Variants in MYH2 observed in about 807,000 individuals in gnomAD.
MYH2 encodes myosin heavy chain 2.
Under a neutral mutation model 228.1 loss-of-function variants are expected in MYH2, and 139 were observed. That is an observed-to-expected ratio of 0.61 (90% CI 0.53 to 0.70). The LOEUF is 0.70. MYH2 is among the 30% of genes least tolerant of loss of function. The probability of loss-of-function intolerance (pLI) is 0.00; values close to 1 mark genes in which losing one functional copy is unlikely to be tolerated. For synonymous variants in MYH2, 796 were observed against 871.1 expected, an observed-to-expected ratio of 0.91 and a Z score of 1.52; for missense variants, 1,809 against 2,357.5, an observed-to-expected ratio of 0.77 and a Z score of 4.82.
chr17:10,533,281 A>T lies in MYH2; in HGVS notation c.2441+4T>A, dbSNP rs1423066186. 1.2e-6 allele frequency: 2 copies of T among 1,613,982 alleles called. No individual in the cohort carries two copies. Among genetic ancestry groups the T allele is most frequent in the East Asian group, 2.2e-5 (1 of 44,888 alleles). ...GAATATGTGAATAAACATATTTTTTATACCTTCTCTCCACCATCCTCTGGT... is the reference window on the plus strand; with the variant it reads ...GAATATGTGAATAAACATATTTTTTTTACCTTCTCTCCACCATCCTCTGGT... On this transcript the variant is annotated splice_donor_region_variant and intron_variant, in intron 21 of 39. Transcript: ENST00000245503.
rs762900866 is a variant in MYH2 at position 10,547,953 on chromosome 17, A to C, written c.-20-13T>G. 4.4e-6 allele frequency: 7 copies of C among 1,603,896 alleles called. No individual in the cohort carries two copies. Among genetic ancestry groups the C allele is most frequent in the Non-Finnish European group, 6.0e-6 (7 of 1,171,266 alleles). ...GAACTCAGAGGTCCTAAAGGAGATAAAACTTTCACATTAGAGAGTCTGGAT... is the reference window on the plus strand; with the variant it reads ...GAACTCAGAGGTCCTAAAGGAGATACAACTTTCACATTAGAGAGTCTGGAT... On this transcript the variant is annotated splice_polypyrimidine_tract_variant and intron_variant, in intron 2 of 39. Coordinates refer to ENST00000245503, the MANE Select transcript of MYH2 (RefSeq NM_017534.6).
chr17:10,523,156 C>T lies in MYH2; in HGVS notation c.5607G>A (p.Arg1869=). 2 of 1,613,936 alleles carry T rather than the reference C, an allele frequency of 1.2e-6. No homozygotes were observed. The highest frequency in any genetic ancestry group is 1.7e-6 in the Non-Finnish European group (2 of 1,179,836). ...GAAGTTTATCTACCAAATCTTGAAGCCTGAGAATATTCTTTCTATCTTCTT... is the reference window on the plus strand; with the variant it reads ...GAAGTTTATCTACCAAATCTTGAAGTCTGAGAATATTCTTTCTATCTTCTT... ...QTEEDRKNIL[R]LQDLVDKLQA... Residue 1869 remains arginine (R), a synonymous_variant, in exon 39 of 40, where the codon AGG becomes AGA. Coordinates refer to ENST00000245503, the MANE Select transcript of MYH2 (RefSeq NM_017534.6).
intron 5 of MYH2, 104 bp from the exon 6 acceptor site, chr17:10,544,231 C>T: frequency 7.0e-7 from 1 of 1,427,286 alleles, no homozygotes; most frequent in Non-Finnish European, 9.7e-7. Context: ...CTGGACTTTG[C>T]AACCTTTAGG....
At chr17:10,546,780 A>T (rs11871683) in intron 4 of MYH2, among the ~76,000 whole-genome samples, 1,705 of 60,088 alleles carry the variant, frequency 0.028, 35 homozygotes, top group African/African-American at 0.068. Context: ...ATTTGTTTTT[A>T]AAAAAAAAAA....
At chr17:10,528,317 T>C (rs1567729404) in intron 27 of MYH2, among the ~76,000 whole-genome samples, 1 of 152,246 alleles carries the variant, frequency 6.6e-6, no homozygotes, top group Non-Finnish European at 1.5e-5. Flanking sequence ...TTGTATAGTG[T>C]ACATTTTCTA....
At chr17:10,545,251 G>A (rs2073612133) in intron 5 of MYH2, 95 bp downstream of exon 5, 3 of 1,602,462 alleles carry the variant, frequency 1.9e-6, no homozygotes, top group African/African-American at 2.7e-5. Flanking sequence ...TAAAAGGGAC[G>A]ATCTCAAGGA....
In MYH2 at chr17:10,537,617, G is replaced by A. The variant is rs377526336; in HGVS notation, c.1587+48C>T. ...CTATAGAATTAAAATAAAAAGCAGCGAATAATATAGTTGCCGCAAAATATG... is the reference window on the plus strand; with the variant it reads ...CTATAGAATTAAAATAAAAAGCAGCAAATAATATAGTTGCCGCAAAATATG... On this transcript the variant is annotated intron_variant, in intron 15 of 39. Coordinates refer to ENST00000245503, the MANE Select transcript of MYH2 (RefSeq NM_017534.6). This position sits in a 1 kb window ranked among gnomAD's most constrained non-coding sequence, Gnocchi z 4.0. 1.2e-4 allele frequency: 187 copies of A among 1,613,922 alleles called. 1 individual carries two copies. The highest frequency in any genetic ancestry group is 1.6e-4 in the Middle Eastern group (1 of 6,084).
rs370223713 is a variant in MYH2 at position 10,533,502 on chromosome 17, A to C, written c.2304+7T>G. ...AATAGCATCAGGTAGGATTTACAGA[A>C]AATTACCTTGGTGTGCCCAAATTTA... On this transcript the variant is annotated splice_region_variant and intron_variant, in intron 20 of 39. Coordinates refer to ENST00000245503, the MANE Select transcript of MYH2 (RefSeq NM_017534.6). 391 of 1,614,084 alleles carry C rather than the reference A, an allele frequency of 2.4e-4. 3 individuals are homozygous for C. The Admixed American group carries it at 5.9e-3, about 24-fold the overall frequency.
chr17:10,539,718 A>G (rs1284398574), intron 12 of MYH2, among the ~76,000 whole-genome samples, 156 bp from the exon 13 acceptor site: 1 of 152,190 alleles, frequency 6.6e-6, no homozygotes, highest in Non-Finnish European at 1.5e-5. Flanking sequence ...GTTTTTGATT[A>G]TGGGGTAGTT....
In MYH2 at chr17:10,547,344, C is replaced by A. The variant is rs542193191; in HGVS notation, c.348+131G>T. On this transcript the variant is annotated intron_variant, in intron 4 of 39. Coordinates refer to ENST00000245503, the MANE Select transcript of MYH2 (RefSeq NM_017534.6). ...GTGCTTTACGATAGCAATCATGAAG[C>A]CTTTTAACTAGTTATGCTGCAATGA... is the stretch of plus-strand genomic sequence containing the variant. 398 of 1,208,560 alleles carry A rather than the reference C, an allele frequency of 3.3e-4. 2 individuals carry two copies. The highest frequency in any genetic ancestry group is 3.5e-4 in the Non-Finnish European group (281 of 813,342). The allele number at this position is 1,208,560 out of a possible 1,614,324, so 74.9% of individuals were successfully genotyped here.
At position 10,525,444 on chromosome 17, in the gene MYH2, G is replaced by A. The variant is rs375199452; in HGVS notation, c.4537+7C>T. ...TATGAATATTATTGAATATGATAGG[G>A]ACTTACGCTGTAAGTTTTTGTTCTC... On this transcript the variant is annotated splice_region_variant and intron_variant, in intron 32 of 39. Transcript: ENST00000245503. The surrounding 1 kb of genome is among the most constrained non-coding windows in gnomAD (Gnocchi z 4.2). The A allele has an allele frequency of 1.7e-4, 281 of 1,613,992 alleles. No homozygotes were observed. The highest frequency in any genetic ancestry group is 2.2e-4 in the Non-Finnish European group (258 of 1,179,874).
chr17:10,531,729 G>A lies in MYH2; in HGVS notation c.2601C>T (p.Asp867=), dbSNP rs142129307. 90 of 1,614,030 alleles carry A rather than the reference G, an allele frequency of 5.6e-5. No homozygotes were observed. The highest frequency in any genetic ancestry group is 1.2e-4 in the African/African-American group (9 of 74,996). ...TMKEEFQKIK[D]ELAKSEAKRK... is the part of the protein sequence containing the mutation. ...TTTTTGCCTCTGACTTGGCAAGTTC[G>A]TCTTTAATTTTCTGAAATTCTTCCT... Residue 867 remains aspartate, a synonymous_variant, in exon 22 of 40, where the codon GAC becomes GAT. Transcript: ENST00000245503.
At chr17:10,543,224 C>G in intron 8 of MYH2, 63 bp from the exon 9 acceptor site, 1 of 1,260,848 alleles carries the variant, frequency 7.9e-7, no homozygotes, top group Non-Finnish European at 1.1e-6. Context: ...TGAGAAATTC[C>G]AAACATTTGA....
chr17:10,528,036 T>G (rs1254879782), intron 27 of MYH2, among the ~76,000 whole-genome samples, 162 bp from the exon 28 acceptor site: 3 of 134,330 alleles, frequency 2.2e-5, no homozygotes, highest in African/African-American at 7.9e-5. Flanking sequence ...CAGAAAAATT[T>G]TTCTTTCTTT....
chr17:10,529,956 T>C lies in MYH2; in HGVS notation c.2816A>G (p.Asn939Ser), dbSNP rs922109087. 1 of 1,613,992 alleles carries C rather than the reference T, an allele frequency of 6.2e-7. No individual in the cohort carries two copies. The highest frequency in any genetic ancestry group is 8.5e-7 in the Non-Finnish European group (1 of 1,179,902). ...TERAEDEEEI[N>S]AELTAKKRKL... Reference sequence around the variant, plus strand: ...CCTCTTCTTGGCTGTCAGCTCAGCATTGATCTCTTCCTCATCCTCAGCTCT... The same window carrying C: ...CCTCTTCTTGGCTGTCAGCTCAGCACTGATCTCTTCCTCATCCTCAGCTCT... Residue 939 changes from asparagine (N) to serine (S), a missense_variant, in exon 23 of 40, where the codon AAT becomes AGT. Asn to Ser is a conservative substitution (Grantham distance 46, BLOSUM62 1). This residue lies in a region of MYH2 where 43 missense variants were observed against 89.2 expected (regional missense o/e 0.48). Coordinates refer to ENST00000245503, the MANE Select transcript of MYH2 (RefSeq NM_017534.6).
At chr17:10,528,314 G>C (rs1336896325) in intron 27 of MYH2, among the ~76,000 whole-genome samples, 1 of 152,110 alleles carries the variant, frequency 6.6e-6, no homozygotes, top group Admixed American at 6.5e-5. Context: ...GAATTGTATA[G>C]TGTACATTTT....
chr17:10,526,942 A>G lies in MYH2; in HGVS notation c.3986T>C (p.Ile1329Thr), dbSNP rs1389404424. 8 of 1,613,834 alleles carry G rather than the reference A, an allele frequency of 5.0e-6. No individual in the cohort carries two copies. Among genetic ancestry groups the G allele is most frequent in the Admixed American group, 3.3e-5 (2 of 60,006 alleles). The change falls in exon 29 of 40, where the codon ATA (isoleucine) becomes ACA (threonine). Residue 1329 changes from isoleucine to threonine, a missense_variant. Transcript: ENST00000245503. ...CAGTCTTAGAATCATAATTACTTTT[A>G]TCTCCTCTTCAAGTTGCCTCTTTAA... is the stretch of plus-strand genomic sequence containing the variant. ...EELKRQLEEEIKAKNALAHAL... is the reference protein window; with the variant it reads ...EELKRQLEEETKAKNALAHAL...
At position 10,537,899 on chromosome 17, in the gene MYH2, T is replaced by A. The variant is rs2073502522; in HGVS notation, c.1417-64A>T. On this transcript the variant is annotated intron_variant, in intron 14 of 39. Transcript: ENST00000245503. This position sits in a 1 kb window ranked among gnomAD's most constrained non-coding sequence, Gnocchi z 4.0. The stretch of plus-strand genomic sequence containing the variant: ...TTGAGTATTTTTTAAAATACAGAAC[T>A]TTTCCATTTTAAAAATATGTGTCCA... 6.2e-7 allele frequency: 1 copy of A among 1,612,840 alleles called. No homozygotes were observed. The highest frequency in any genetic ancestry group is 8.5e-7 in the Non-Finnish European group (1 of 1,179,258).
chr17:10,540,516 C>T, intron 11 of MYH2, 78 bp downstream of exon 11: 2 of 1,251,014 alleles, frequency 1.6e-6, no homozygotes, highest in Non-Finnish European at 1.2e-6. Context: ...GCCATTTCTA[C>T]TAGACACTGA....
Sources: allele counts gnomAD v4.1 joint callset (sites outside exome capture counted in the v4.1 genomes callset), GRCh38; gene constraint gnomAD v4.1.1; regional missense constraint gnomAD v4.1.1; non-coding constraint Gnocchi (gnomAD v3.1); transcripts MANE v1.5; gene names NCBI Gene and HGNC (gene_info 2026-07-23, HGNC 2026-07-21).